DOP1A: variants seen among roughly 807,000 people sequenced by gnomAD.
DOP1A encodes protein DOP1A.
In DOP1A, 90 loss-of-function variants were observed where a neutral mutation model predicts 267.6. That is an observed-to-expected ratio of 0.34 (90% confidence interval 0.28 to 0.40). DOP1A has a LOEUF of 0.40. Among genes scored for constraint, DOP1A ranks in the 10% least tolerant of loss-of-function variants. DOP1A has a pLI of 1.00. For missense variants in DOP1A, 2,437 were observed against 2,900.4 expected (o/e 0.84, Z 3.67); for synonymous variants, 932 against 999.1 (o/e 0.93, Z 1.27).
At chr6:83,078,890 G>A (rs565866682) in intron 1 of DOP1A, among the ~76,000 whole-genome samples, 14 of 152,198 alleles carry the variant, frequency 9.2e-5, no homozygotes, top group South Asian at 2.1e-4. Flanking sequence ...AAGTTATTTT[G>A]TTCTTTCATG....
At chr6:83,080,731 T>C (rs147380164) in intron 1 of DOP1A, among the ~76,000 whole-genome samples, 2 of 152,190 alleles carry the variant, frequency 1.3e-5, no homozygotes, top group African/African-American at 2.4e-5. Context: ...AGGAATAGAT[T>C]GTTGTCTTTT....
At chr6:83,171,160 T>C (rs184307393), downstream of DOP1A, 1 of 152,128 alleles carries the variant, frequency 6.6e-6, no homozygotes, top group Admixed American at 6.6e-5. Flanking sequence ...GGCAACATAG[T>C]GAGATCTCGT....
rs1786320954 is a variant in DOP1A, at chr6:83,168,184, C to T, written c.*17C>T. The T allele has an allele frequency of 6.2e-7, 1 of 1,600,230 alleles. No homozygotes were observed. Among genetic ancestry groups the T allele is most frequent in the East Asian group, 2.2e-5 (1 of 44,736 alleles). ...AAAACTTGAGCACCATTGCTGGTTC[C>T]ATTTAGCTTACATGTAAATGTAATT... On this transcript the variant is annotated 3_prime_UTR_variant, in exon 39 of 39. Coordinates refer to ENST00000349129, the MANE Select transcript of DOP1A (RefSeq NM_015018.4).
Position 83,119,785 on chromosome 6 carries a change from C to T in DOP1A, c.918C>T (p.Ser306=). ...ACGGTGCTATCATAGGACCCAGAAG[C>T]ACAAGACACAGTAATCCTGAAGAAC... ...DNNGAIIGPR[S]TRHSNPEEHA... Residue 306 remains serine, a synonymous_variant, in exon 9 of 39, where the codon AGC becomes AGT. Transcript: ENST00000349129. 1 of 1,613,066 alleles carries T rather than the reference C, an allele frequency of 6.2e-7. No homozygotes were observed. The highest frequency in any genetic ancestry group is 8.5e-7 in the Non-Finnish European group (1 of 1,179,244).
chr6:83,138,552 A>T lies in DOP1A; in HGVS notation c.4510A>T (p.Ile1504Leu). 1 of 1,613,898 alleles carries T rather than the reference A, an allele frequency of 6.2e-7. No individual in the cohort carries two copies. The highest frequency in any genetic ancestry group is 1.1e-5 in the South Asian group (1 of 91,080). Residue 1504 changes from isoleucine to leucine, a missense_variant, in exon 21 of 39, where the codon ATA becomes TTA. By Grantham distance (5) the Ile-to-Leu change is conservative. Coordinates refer to ENST00000349129, the MANE Select transcript of DOP1A (RefSeq NM_015018.4). ...TLLFTELAKV[I>L]ESSAKGFPSF... Reference sequence around the variant, plus strand: ...ACTCTTCACTGAGCTGGCAAAAGTAATAGAAAGCTCAGCGAAGGGTTTCCC... The same window carrying T: ...ACTCTTCACTGAGCTGGCAAAAGTATTAGAAAGCTCAGCGAAGGGTTTCCC...
At chr6:83,085,125 G>A (rs1768862676) in intron 1 of DOP1A, among the ~76,000 whole-genome samples, 1 of 152,160 alleles carries the variant, frequency 6.6e-6, no homozygotes, top group South Asian at 2.1e-4. Context: ...TTAAGAAATA[G>A]AACTGTAGTT....
At position 83,097,127 on chromosome 6, in the gene DOP1A, T is replaced by G; in HGVS notation, c.138+12T>G. On this transcript the variant is annotated intron_variant, in intron 3 of 38. Coordinates refer to ENST00000349129, the MANE Select transcript of DOP1A (RefSeq NM_015018.4). ...GAAAACTTAATAAGGTATGTCTGTA[T>G]TATCCATTTCATAAAAGGAGTAAAA... The G allele has an allele frequency of 6.2e-7, 1 of 1,609,518 alleles. No individual in the cohort carries two copies. The highest frequency in any genetic ancestry group is 8.5e-7 in the Non-Finnish European group (1 of 1,178,236).
chr6:83,168,970 A>G (rs1281167796), downstream of DOP1A: 10 of 1,212,414 alleles, frequency 8.2e-6, no homozygotes, highest in East Asian at 2.3e-4. Flanking sequence ...AAAACTGTAC[A>G]GTTAGTGACT....
intron 1 of DOP1A, among the ~76,000 whole-genome samples, chr6:83,088,479 G>A (rs1769729337): frequency 7.1e-6 from 1 of 141,380 alleles, no homozygotes; most frequent in Admixed American, 7.4e-5. Context: ...CTGGAGTGCA[G>A]TGGCGCGATC....
chr6:83,151,505 G>T (rs1781673107), intron 27 of DOP1A, 88 bp from the exon 28 acceptor site: 1 of 961,434 alleles, frequency 1.0e-6, no homozygotes, highest in South Asian at 1.8e-5. Flanking sequence ...AGACCATTAA[G>T]CCGCTTAACT....
chr6:83,121,213 T>C (rs777138518), intron 10 of DOP1A, among the ~76,000 whole-genome samples: 2 of 151,838 alleles, frequency 1.3e-5, no homozygotes, highest in Non-Finnish European at 3.0e-5. Context: ...TCTTATATAT[T>C]ATGGCACTTG....
chr6:83,130,403 T>C lies in DOP1A; in HGVS notation c.2616+6T>C, dbSNP rs1382061141. 1 of 1,608,686 alleles carries C rather than the reference T, an allele frequency of 6.2e-7. No homozygotes were observed. The highest frequency in any genetic ancestry group is 1.7e-5 in the Admixed American group (1 of 59,442). On this transcript the variant is annotated splice_donor_region_variant and intron_variant, in intron 17 of 38. Coordinates refer to ENST00000349129, the MANE Select transcript of DOP1A (RefSeq NM_015018.4). ...AGAAGACTGAATTTTTCAAGGTAAA[T>C]TCTAAGAAATGCATATATGACTATG...
intron 19 of DOP1A, among the ~76,000 whole-genome samples, chr6:83,134,701 A>T (rs543760004): frequency 4.9e-4 from 74 of 152,276 alleles, no homozygotes; most frequent in African/African-American, 1.5e-3. Flanking sequence ...ACACTAACAG[A>T]TTCTTTCCAT....
At chr6:83,107,942 C>A (rs1773915677) in intron 4 of DOP1A, among the ~76,000 whole-genome samples, 1 of 152,130 alleles carries the variant, frequency 6.6e-6, no homozygotes, top group Non-Finnish European at 1.5e-5. Flanking sequence ...GTAGCCATTT[C>A]TTAAAAGATG....
At chr6:83,123,802 T>G (rs985866832) in intron 12 of DOP1A, among the ~76,000 whole-genome samples, 1 of 152,058 alleles carries the variant, frequency 6.6e-6, no homozygotes, top group East Asian at 1.9e-4. Flanking sequence ...CTTAATAGAT[T>G]AAAATGTAGG....
chr6:83,130,463 T>G, intron 17 of DOP1A, 66 bp downstream of exon 17: 1 of 1,527,276 alleles, frequency 6.5e-7, no homozygotes, highest in Admixed American at 2.2e-5. Context: ...TGACCTAGTT[T>G]GCTTTAAGAA....
At chr6:83,100,509 TTA>T (rs1396749480) in intron 3 of DOP1A, among the ~76,000 whole-genome samples, 194 bp from the exon 4 acceptor site, 2 of 152,180 alleles carry the variant, frequency 1.3e-5, no homozygotes. Flanking sequence ...GGTAACGAGT[TTA>T]TTTTTTAAAC....
intron 18 of DOP1A, 58 bp downstream of exon 18, chr6:83,132,386 A>T (rs490022): frequency 3.9e-6 from 3 of 768,810 alleles, no homozygotes; most frequent in African/African-American, 6.1e-5. Context: ...CACACACACA[A>T]ATACTGAAAA....
At chr6:83,159,617 A>T (rs1783756535) in intron 36 of DOP1A, 179 bp from the exon 37 acceptor site, 4 of 711,980 alleles carry the variant, frequency 5.6e-6, no homozygotes, top group African/African-American at 1.8e-5. Context: ...ATTCTCAAAG[A>T]AGAAAAGTGA....
Sources: allele counts gnomAD v4.1 joint callset (sites outside exome capture counted in the v4.1 genomes callset), GRCh38; gene constraint gnomAD v4.1.1; transcripts MANE v1.5; gene names NCBI Gene and HGNC (gene_info 2026-07-23, HGNC 2026-07-21).